AFAP1: variants seen among roughly 807,000 people sequenced by gnomAD.
AFAP1 encodes actin filament-associated protein 1.
In AFAP1, 75 loss-of-function variants were observed where a neutral mutation model predicts 93.9. The ratio of observed to expected loss-of-function variants is 0.80; its 90% CI spans 0.66 to 0.97. The LOEUF (loss-of-function observed/expected upper bound fraction) is 0.97, where lower values mean the gene tolerates loss of function less well. AFAP1 is among the 50% of genes least tolerant of loss of function. The pLI is 0.00. For missense variants in AFAP1, 1,201 were observed against 1,050.8 expected (o/e 1.14, Z -1.98); for synonymous variants, 517 against 430.7 (o/e 1.20, Z -2.48).
intron 6 of AFAP1, among the ~76,000 whole-genome samples, chr4:7,823,017 C>CT (rs982185371): frequency 3.6e-4 from 55 of 151,354 alleles, no homozygotes; most frequent in African/African-American, 1.3e-3. Flanking sequence ...AGGAGCTGTG[C>CT]TTTTTTTTAT....
intron 6 of AFAP1, among the ~76,000 whole-genome samples, chr4:7,831,655 G>A (rs1054551312): frequency 6.6e-6 from 1 of 152,182 alleles, no homozygotes; most frequent in African/African-American, 2.4e-5. Flanking sequence ...GCAAGAAGGG[G>A]GCTGCTCTTC....
chr4:7,922,272 A>G (rs988477274), intron 1 of AFAP1, among the ~76,000 whole-genome samples: 1 of 152,210 alleles, frequency 6.6e-6, no homozygotes, highest in Non-Finnish European at 1.5e-5. Context: ...CTATGAAAAA[A>G]TGGGGGAATA....
At chr4:7,764,196 T>TAAATCCTG (rs879850658) in intron 17 of AFAP1, among the ~76,000 whole-genome samples, 10 of 152,232 alleles carry the variant, frequency 6.6e-5, no homozygotes, top group Non-Finnish European at 1.0e-4. Flanking sequence ...GACAAAAGGA[T>TAAATCCTG]AAATCCTGTA....
intron 4 of AFAP1, among the ~76,000 whole-genome samples, chr4:7,847,338 C>G (rs990119023): frequency 1.3e-5 from 2 of 151,632 alleles, no homozygotes; most frequent in Non-Finnish European, 2.9e-5. Flanking sequence ...CAAGAGAACT[C>G]TCCAGAAAGT....
chr4:7,811,038 C>T (rs1437971378), intron 8 of AFAP1, among the ~76,000 whole-genome samples: 1 of 152,182 alleles, frequency 6.6e-6, no homozygotes, highest in Non-Finnish European at 1.5e-5. Flanking sequence ...GGCCAGAGAG[C>T]GACCCTCGGA....
chr4:7,856,936 T>A (rs1715140179), intron 3 of AFAP1, among the ~76,000 whole-genome samples: 1 of 152,206 alleles, frequency 6.6e-6, no homozygotes, highest in African/African-American at 2.4e-5. Flanking sequence ...TACCTTATAT[T>A]TTACAGATAC....
At chr4:7,893,239 T>A (rs1560223360) in intron 1 of AFAP1, among the ~76,000 whole-genome samples, 1 of 152,066 alleles carries the variant, frequency 6.6e-6, no homozygotes, top group African/African-American at 2.4e-5. Flanking sequence ...TAAAAAGACA[T>A]AAAACTGCCT....
At chr4:7,908,654 G>A (rs1006524711) in intron 1 of AFAP1, among the ~76,000 whole-genome samples, 1 of 152,224 alleles carries the variant, frequency 6.6e-6, no homozygotes, top group African/African-American at 2.4e-5. Flanking sequence ...GGACCTAGCA[G>A]TGGCAAAACA....
In AFAP1 at chr4:7,873,342, C is replaced by CTTTTTTTTTTTTT. The variant is rs1158765422; in HGVS notation, c.-2-1275_-2-1263dup. On this transcript the variant is annotated intron_variant, in intron 1 of 17. Coordinates refer to ENST00000420658, the MANE Select transcript of AFAP1 (RefSeq NM_001134647.2). ...TTAAATCTAACCTTTGAAGACACAC[C>CTTTTTTTTTTTTT]TTTTTTTTTTTTTTTTTTTTTTTTT... Among the ~76,000 whole-genome samples, 2 of 50,998 alleles carry CTTTTTTTTTTTTT rather than the reference C, an allele frequency of 3.9e-5. 1 individual carries two copies. The highest frequency in any genetic ancestry group is 1.4e-4 in the African/African-American group (2 of 13,796). The allele number at this position is 50,998 out of a possible 152,430, so 33.5% of individuals were successfully genotyped here.
At chr4:7,815,717 C>G (rs1437270166) in intron 8 of AFAP1, among the ~76,000 whole-genome samples, 2 of 152,074 alleles carry the variant, frequency 1.3e-5, no homozygotes, top group Admixed American at 6.6e-5. Context: ...AGTGACAGAT[C>G]GAGTGAAGAA....
intron 10 of AFAP1, among the ~76,000 whole-genome samples, chr4:7,796,539 G>A (rs185076191): frequency 6.6e-6 from 1 of 151,052 alleles, no homozygotes; most frequent in East Asian, 2.0e-4. Flanking sequence ...CATGAGGTCA[G>A]GAGATCGAGA....
At chr4:7,772,541 A>T (rs1715580134) in intron 16 of AFAP1, 1 of 352,008 alleles carries the variant, frequency 2.8e-6, no homozygotes, top group African/African-American at 2.1e-5. Context: ...AGACACGAGG[A>T]CTGGATCTGT....
At chr4:7,919,779 C>T (rs1720332168) in intron 1 of AFAP1, among the ~76,000 whole-genome samples, 1 of 152,096 alleles carries the variant, frequency 6.6e-6, no homozygotes, top group Non-Finnish European at 1.5e-5. Flanking sequence ...GCTGTTTTTC[C>T]TAACACTCTC....
chr4:7,796,975 G>A (rs183043618), intron 10 of AFAP1, among the ~76,000 whole-genome samples: 8 of 151,836 alleles, frequency 5.3e-5, no homozygotes, highest in East Asian at 1.9e-4. Flanking sequence ...CAGGAGAATC[G>A]CTTGAACCTG....
chr4:7,899,881 T>A (rs571478707), intron 1 of AFAP1, among the ~76,000 whole-genome samples: 4 of 151,582 alleles, frequency 2.6e-5, no homozygotes, highest in South Asian at 2.1e-4. Flanking sequence ...AATAAATAAA[T>A]AAAAAAGGAA....
Position 7,820,606 on chromosome 4 carries a change from C to T in AFAP1, c.727-1435G>A, listed in dbSNP as rs553115540. On this transcript the variant is annotated intron_variant, in intron 6 of 17. Transcript: ENST00000420658. Reference sequence around the variant, plus strand: ...GAGAGCTCCACGGAGGGAGATGAGCCGAGAGAGAGAGAGACAGCCGTGACT... The same window carrying T: ...GAGAGCTCCACGGAGGGAGATGAGCTGAGAGAGAGAGAGACAGCCGTGACT... Among the ~76,000 whole-genome samples the T allele has an allele frequency of 3.5e-4, 53 of 151,470 alleles. 1 individual carries two copies. The South Asian group carries it at 0.01, about 30-fold the overall frequency.
intron 4 of AFAP1, among the ~76,000 whole-genome samples, chr4:7,845,336 C>A (rs1713557023): frequency 6.6e-6 from 1 of 152,116 alleles, no homozygotes. Context: ...GCAGGAGGAT[C>A]ACTTGAGCCC....
At chr4:7,764,420 T>TA (rs1491416191) in intron 17 of AFAP1, among the ~76,000 whole-genome samples, 1 of 151,108 alleles carries the variant, frequency 6.6e-6, no homozygotes, top group African/African-American at 2.4e-5. Context: ...GAATAGTGGG[T>TA]ATCAAGGGCT....
chr4:7,768,290 G>A (rs941809748), intron 17 of AFAP1, among the ~76,000 whole-genome samples: 1 of 152,216 alleles, frequency 6.6e-6, no homozygotes, highest in African/African-American at 2.4e-5. Flanking sequence ...AGATTTCTGA[G>A]GTTTCAAAGG....
Sources: allele counts gnomAD v4.1 joint callset (sites outside exome capture counted in the v4.1 genomes callset), GRCh38; gene constraint gnomAD v4.1.1; transcripts MANE v1.5; gene names NCBI Gene and HGNC (gene_info 2026-07-23, HGNC 2026-07-21).